KIF23: variants seen among roughly 807,000 people sequenced by gnomAD.
KIF23 encodes kinesin-like protein KIF23.
A neutral mutation model predicts 137.5 loss-of-function variants in KIF23; 30 were observed. The ratio of observed to expected loss-of-function variants is 0.22; its 90% confidence interval spans 0.16 to 0.30. KIF23 has a LOEUF of 0.30. Among genes scored for constraint, KIF23 ranks in the 10% least tolerant of loss-of-function variants. The pLI is 1.00. For synonymous variants in KIF23, 367 were observed against 391.1 expected (o/e 0.94, Z 0.73); for missense variants, 920 against 1,194.3 (o/e 0.77, Z 3.38).
intron 11 of KIF23, among the ~76,000 whole-genome samples, chr15:69,432,903 G>A (rs2057389648): frequency 6.6e-6 from 1 of 152,142 alleles, no homozygotes. Flanking sequence ...CTAATGCTGT[G>A]GTTTTTGGCC....
At chr15:69,433,496 A>G (rs148492479) in intron 11 of KIF23, among the ~76,000 whole-genome samples, 1 of 152,248 alleles carries the variant, frequency 6.6e-6, no homozygotes, top group Non-Finnish European at 1.5e-5. Flanking sequence ...AAGACACTTG[A>G]CTGTTAGAAA....
chr15:69,443,482 G>A (rs1052665661), intron 19 of KIF23: 2 of 151,610 alleles, frequency 1.3e-5, no homozygotes, highest in African/African-American at 4.9e-5. Flanking sequence ...GGGACCACAG[G>A]CATGTGCTAT....
At chr15:69,427,164 A>T (rs2057217778) in intron 10 of KIF23, among the ~76,000 whole-genome samples, 1 of 152,132 alleles carries the variant, frequency 6.6e-6, no homozygotes, top group Non-Finnish European at 1.5e-5. Context: ...AAAAAAATAG[A>T]ACTTTAAAAA....
intron 10 of KIF23, among the ~76,000 whole-genome samples, chr15:69,428,078 G>A (rs918409494): frequency 1.3e-5 from 2 of 152,040 alleles, no homozygotes; most frequent in South Asian, 4.1e-4. Flanking sequence ...CCAACATGGC[G>A]AAACCCCGTC....
rs375858716 is a variant in KIF23, at chr15:69,422,155, C to G, written c.453+27C>G. The G allele has an allele frequency of 9.3e-6, 15 of 1,610,440 alleles. No homozygotes were observed. The African/African-American group carries it at 1.7e-4, about 19-fold the overall frequency. On this transcript the variant is annotated intron_variant, in intron 5 of 23. Coordinates refer to ENST00000679126, the MANE Select transcript of KIF23 (RefSeq NM_001367805.3). ...TAAGTATGATTCTTTTGTGTTGTGA[C>G]TATCTTACTGGACTAAGACACCTAT...
intron 7 of KIF23, 94 bp downstream of exon 7, chr15:69,423,423 A>G: frequency 1.3e-6 from 1 of 752,580 alleles, no homozygotes; most frequent in Non-Finnish European, 2.1e-6. Context: ...GAAAGAGAAT[A>G]ATGCTTGCAT....
Position 69,414,414 on chromosome 15 carries a change from T to A in KIF23, c.-52T>A. ...TGCCGGTCCTAACGTCCCGCAGTCTTCGCCAGCCAGCCGTCCCGCATGCGC... is the reference window on the plus strand; with the variant it reads ...TGCCGGTCCTAACGTCCCGCAGTCTACGCCAGCCAGCCGTCCCGCATGCGC... On this transcript the variant is annotated 5_prime_UTR_variant, in exon 1 of 24. Transcript: ENST00000679126. The A allele has an allele frequency of 2.6e-6, 4 of 1,566,966 alleles. No homozygotes were observed. Among genetic ancestry groups the A allele is most frequent in the Non-Finnish European group, 3.5e-6 (4 of 1,156,076 alleles).
Position 69,436,394 on chromosome 15 carries a change from A to C in KIF23, c.1438+133A>C, listed in dbSNP as rs2057481559. The C allele has an allele frequency of 1.2e-5, 16 of 1,291,030 alleles. No homozygotes were observed. The South Asian group carries it at 2.3e-4, about 18-fold the overall frequency. 80.0% of individuals were successfully genotyped at this position (1,291,030 alleles called of 1,614,324 possible). On this transcript the variant is annotated intron_variant, in intron 14 of 23. Coordinates refer to ENST00000679126, the MANE Select transcript of KIF23 (RefSeq NM_001367805.3). ...ACCAAGCACATAATAATTTGAACAA[A>C]ATTTAAATGAGCTTATTTTGCATAC...
chr15:69,443,511 A>T (rs1322628747), intron 19 of KIF23: 2 of 150,060 alleles, frequency 1.3e-5, no homozygotes, highest in African/African-American at 4.9e-5. Flanking sequence ...GCTAATTTTT[A>T]AATTTTTTGT....
At chr15:69,443,334 T>TG (rs2057668628) in intron 19 of KIF23, among the ~76,000 whole-genome samples, 1 of 115,758 alleles carries the variant, frequency 8.6e-6, no homozygotes, top group Non-Finnish European at 1.8e-5. Flanking sequence ...GGGTTTTTTT[T>TG]TTTTTTTTTT....
intron 19 of KIF23, among the ~76,000 whole-genome samples, chr15:69,442,531 T>C (rs768088145): frequency 2.0e-5 from 3 of 152,192 alleles, no homozygotes; most frequent in Non-Finnish European, 4.4e-5. Flanking sequence ...GAATTCCTGA[T>C]TATTAAGGGA....
chr15:69,422,476 C>G (rs1595984685), intron 6 of KIF23, 41 bp downstream of exon 6: 1 of 1,143,830 alleles, frequency 8.7e-7, no homozygotes, highest in Non-Finnish European at 1.3e-6. Context: ...CCTAGGGGCA[C>G]AGGATTCTTT....
intron 22 of KIF23, 87 bp from the exon 23 acceptor site, chr15:69,446,784 C>T: frequency 1.7e-6 from 2 of 1,156,104 alleles, no homozygotes; most frequent in Non-Finnish European, 2.6e-6. Flanking sequence ...TATTGCATTT[C>T]ACCTAGGTGT....
rs1444600611 is a variant in KIF23 at position 69,440,563 on chromosome 15, A to AT, written c.2109+81dup. 3.7e-6 allele frequency: 5 copies of AT among 1,338,012 alleles called. No individual in the cohort carries two copies. The East Asian group carries it at 1.2e-4, about 33-fold the overall frequency. The allele number at this position is 1,338,012 out of a possible 1,614,324, so 82.9% of individuals were successfully genotyped here. A position where few individuals can be genotyped will look rare whatever the true frequency, so the allele number is the denominator to read the frequency against. On this transcript the variant is annotated intron_variant, in intron 18 of 23. Transcript: ENST00000679126. ...AGATTAGATGACTATTTCTATGAGG[A>AT]TTTTTACATTTTATAATACTTACAT...
chr15:69,443,182 C>A (rs2057661907), intron 19 of KIF23, among the ~76,000 whole-genome samples: 1 of 152,124 alleles, frequency 6.6e-6, no homozygotes, highest in Non-Finnish European at 1.5e-5. Flanking sequence ...ACTAGTGCTG[C>A]ATTTGTTTCT....
intron 2 of KIF23, 140 bp downstream of exon 2, chr15:69,416,203 C>T (rs1310282681): frequency 7.9e-6 from 4 of 508,702 alleles, no homozygotes; most frequent in Non-Finnish European, 1.4e-5. Context: ...AATGGATGTA[C>T]TACATTGTGT....
Position 69,422,021 on chromosome 15 carries a change from A to G in KIF23, c.346A>G (p.Ser116Gly). Reference sequence around the variant, plus strand: ...TCTTTTTACATATGGTGTGACGGGAAGTGGAAAAACTCACACAATGACTGG... The same window carrying G: ...TCTTTTTACATATGGTGTGACGGGAGGTGGAAAAACTCACACAATGACTGG... ...GLLFTYGVTG[S>G]GKTHTMTGSP... Residue 116 changes from serine (S) to glycine (G), a missense_variant, in exon 5 of 24, where the codon AGT (serine) becomes GGT (glycine). By Grantham distance (56) the Ser-to-Gly change is moderately conservative. Coordinates refer to ENST00000679126, the MANE Select transcript of KIF23 (RefSeq NM_001367805.3). 6.2e-7 allele frequency: 1 copy of G among 1,614,088 alleles called. No individual in the cohort carries two copies. Among genetic ancestry groups the G allele is most frequent in the Non-Finnish European group, 8.5e-7 (1 of 1,179,994 alleles).
intron 11 of KIF23, among the ~76,000 whole-genome samples, chr15:69,432,115 T>G (rs937266309): frequency 1.3e-5 from 2 of 152,200 alleles, no homozygotes; most frequent in Non-Finnish European, 2.9e-5. Context: ...TTAACTTTGA[T>G]GGGACAAGAG....
chr15:69,437,175 A>G (rs1008709444), intron 15 of KIF23, among the ~76,000 whole-genome samples: 1 of 152,240 alleles, frequency 6.6e-6, no homozygotes, highest in Non-Finnish European at 1.5e-5. Context: ...GAAGCACTCA[A>G]GGCATTGTTT....
Sources: gnomAD v4.1 joint callset for allele counts (sites outside exome capture counted in the v4.1 genomes callset) on GRCh38, gnomAD v4.1.1 for gene constraint, MANE v1.5 for transcripts, NCBI Gene and HGNC (gene_info 2026-07-23, HGNC 2026-07-21) for gene names.